Variants in GLRB observed in about 807,000 individuals in gnomAD.
GLRB encodes glycine receptor beta, also known as glycine receptor subunit beta.
Under a neutral mutation model 54.2 loss-of-function variants are expected in GLRB, and 33 were observed. The ratio of observed to expected loss-of-function variants is 0.61; its 90% confidence interval spans 0.46 to 0.81. GLRB has a LOEUF of 0.81. Ranked by LOEUF, GLRB falls within the 40% of genes least tolerant of loss-of-function variation. The pLI, the probability that GLRB is intolerant of heterozygous loss-of-function variation, is 0.00. For synonymous variants in GLRB, 209 were observed against 208.2 expected (o/e 1.00, Z -0.03); for missense variants, 572 against 584.6 (o/e 0.98, Z 0.22).
chr4:157,143,020 T>G (rs572658777), intron 7 of GLRB, among the ~76,000 whole-genome samples: 30 of 152,282 alleles, frequency 2.0e-4, no homozygotes, highest in Admixed American at 1.7e-3. Context: ...CGGCAAAGGC[T>G]ATTGTGAGGC....
chr4:157,164,243 G>T (rs540744459), intron 9 of GLRB, among the ~76,000 whole-genome samples: 40 of 152,086 alleles, frequency 2.6e-4, no homozygotes, highest in African/African-American at 8.7e-4. Flanking sequence ...GCATGACGAA[G>T]AACTGGTATT....
chr4:157,085,395 C>A (rs1162184106), intron 2 of GLRB, among the ~76,000 whole-genome samples: 1 of 152,154 alleles, frequency 6.6e-6, no homozygotes, highest in Non-Finnish European at 1.5e-5. Flanking sequence ...CATGAGCCAC[C>A]ATGCCCAGCC....
At chr4:157,137,342 T>G (rs183394971) in intron 6 of GLRB, among the ~76,000 whole-genome samples, 12 of 152,102 alleles carry the variant, frequency 7.9e-5, no homozygotes, top group African/African-American at 2.9e-4. Context: ...ATTGTATTTT[T>G]TATGTTTAAT....
In GLRB at chr4:157,077,989, CTT is replaced by C. The variant is rs746719261; in HGVS notation, c.-29-6_-29-5del. 36 of 1,571,994 alleles carry C rather than the reference CTT, an allele frequency of 2.3e-5. No individual in the cohort carries two copies. The highest frequency in any genetic ancestry group is 3.1e-5 in the Non-Finnish European group (35 of 1,144,528). ...AAATGTAAACATTTTCTTGTTCTCT[CTT>C]GTAGATCGATCTTCTGAAATTCAAG... On this transcript the variant is annotated splice_region_variant and splice_polypyrimidine_tract_variant and intron_variant, in intron 1 of 9. Transcript: ENST00000264428.
At chr4:157,124,236 C>A (rs927242438) in intron 4 of GLRB, among the ~76,000 whole-genome samples, 1 of 151,842 alleles carries the variant, frequency 6.6e-6, no homozygotes, top group African/African-American at 2.4e-5. Context: ...TAAATTCTCA[C>A]CATGGAGTCT....
intron 2 of GLRB, among the ~76,000 whole-genome samples, chr4:157,104,581 T>G (rs974793634): frequency 6.6e-6 from 1 of 152,026 alleles, no homozygotes; most frequent in Admixed American, 6.6e-5. Context: ...TCACAAAGAC[T>G]TTGGAAGTGT....
chr4:157,140,681 C>T (rs1036843496), intron 7 of GLRB, among the ~76,000 whole-genome samples: 3 of 151,856 alleles, frequency 2.0e-5, no homozygotes, highest in Non-Finnish European at 4.4e-5. Context: ...TACAGTGATG[C>T]TGTGGGAGAG....
chr4:157,126,907 A>C (rs2126544192), intron 4 of GLRB, among the ~76,000 whole-genome samples: 1 of 151,900 alleles, frequency 6.6e-6, no homozygotes, highest in Middle Eastern at 3.4e-3. Context: ...TTCTTTCTTT[A>C]GTTTAGGCAT....
chr4:157,112,635 G>A (rs549515053), intron 2 of GLRB, among the ~76,000 whole-genome samples: 2 of 152,026 alleles, frequency 1.3e-5, no homozygotes, highest in East Asian at 1.9e-4. Context: ...GGAACAGTGG[G>A]GTTGCAACTG....
chr4:157,170,026 G>A (rs574759726), intron 9 of GLRB, among the ~76,000 whole-genome samples: 2 of 152,212 alleles, frequency 1.3e-5, no homozygotes, highest in African/African-American at 2.4e-5. Flanking sequence ...GGAAGTCAAA[G>A]GCTAGTAATA....
At chr4:157,134,476 C>A (rs1245286839) in intron 4 of GLRB, among the ~76,000 whole-genome samples, 1 of 151,762 alleles carries the variant, frequency 6.6e-6, no homozygotes, top group Admixed American at 6.6e-5. Flanking sequence ...GGCAACAGAG[C>A]AAGACCCTGT....
At chr4:157,082,964 T>TTTTATATATATATA (rs1180920266) in intron 2 of GLRB, among the ~76,000 whole-genome samples, 2 of 139,670 alleles carry the variant, frequency 1.4e-5, no homozygotes, top group Admixed American at 7.2e-5. Context: ...GAATAGTGTT[T>TTTTATATATATATA]TATATATATA....
intron 4 of GLRB, 133 bp from the exon 5 acceptor site, chr4:157,136,336 G>A (rs1319472920): frequency 7.5e-6 from 5 of 665,330 alleles, no homozygotes; most frequent in Non-Finnish European, 1.4e-5. Flanking sequence ...CAGTTGTTGT[G>A]ATCTTGGTTG....
chr4:157,106,644 A>T (rs1488368182), intron 2 of GLRB, among the ~76,000 whole-genome samples: 1 of 151,920 alleles, frequency 6.6e-6, no homozygotes, highest in Non-Finnish European at 1.5e-5. Flanking sequence ...GGACATCAGA[A>T]CTTGAGGCTC....
chr4:157,080,991 T>C (rs144650103), intron 2 of GLRB, among the ~76,000 whole-genome samples: 224 of 152,284 alleles, frequency 1.5e-3, no homozygotes, highest in African/African-American at 5.1e-3. Context: ...GGATTTAATA[T>C]TGATGCTGAG....
chr4:157,167,446 C>A (rs894930620), intron 9 of GLRB, among the ~76,000 whole-genome samples: 37 of 152,138 alleles, frequency 2.4e-4, no homozygotes, highest in African/African-American at 8.9e-4. Context: ...AATAATAGGG[C>A]AGATGTGAGT....
rs1302379622 is a variant in GLRB, at chr4:157,152,833, G to A, written c.1020G>A (p.Gly340=). 8 of 1,613,926 alleles carry A rather than the reference G, an allele frequency of 5.0e-6. No homozygotes were observed. The Admixed American group carries it at 6.7e-5, about 13-fold the overall frequency. The part of the protein sequence containing the change: ...DVWLIACLLF[G]FASLVEYAVV... ...GGCTTATTGCTTGCCTTCTCTTTGG[G>A]TTTGCTTCCCTGGTGGAGTATGCAG... Residue 340 remains glycine, a synonymous_variant, in exon 9 of 10, where the codon GGG becomes GGA. Transcript: ENST00000264428.
At chr4:157,169,240 G>A (rs755901403) in intron 9 of GLRB, among the ~76,000 whole-genome samples, 2 of 152,084 alleles carry the variant, frequency 1.3e-5, no homozygotes, top group Non-Finnish European at 2.9e-5. Context: ...TAAAAATTGA[G>A]TAAATGTCAA....
At chr4:157,111,001 G>A (rs971666290) in intron 2 of GLRB, among the ~76,000 whole-genome samples, 2 of 151,952 alleles carry the variant, frequency 1.3e-5, no homozygotes, top group Non-Finnish European at 2.9e-5. Context: ...GGGCACTGGT[G>A]TTTTTTACGT....
Sources: gnomAD v4.1 joint callset for allele counts (sites outside exome capture counted in the v4.1 genomes callset) on GRCh38, gnomAD v4.1.1 for gene constraint, MANE v1.5 for transcripts, NCBI Gene and HGNC (gene_info 2026-07-23, HGNC 2026-07-21) for gene names.